The following FYB2 variants were observed in gnomAD, a reference collection of about 807,000 sequenced individuals.
FYB2 encodes the protein FYN binding protein 2.
In FYB2, 103 loss-of-function variants were observed where a neutral mutation model predicts 94.1. The observed-to-expected ratio is 1.09, with a 90% CI of 0.93 to 1.29. FYB2 has a LOEUF of 1.29. FYB2 is among the 50% of genes most tolerant of loss of function. FYB2 has a pLI of 0.00. For missense variants in FYB2, 896 were observed against 841.5 expected (o/e 1.06, Z -0.80); for synonymous variants, 293 against 287.9 (o/e 1.02, Z -0.18).
chr1:56,754,123 A>C (rs187984950), intron 7 of FYB2, among the ~76,000 whole-genome samples, 188 bp from the exon 8 acceptor site: 170 of 152,142 alleles, frequency 1.1e-3, no homozygotes, highest in African/African-American at 3.9e-3. Context: ...GCCTGTTCCA[A>C]TTAATGCCAC....
chr1:56,826,698 G>C, the FYB2 span: 1 of 152,156 alleles, frequency 6.6e-6, no homozygotes, highest in South Asian at 2.1e-4. Flanking sequence ...CCCATAATTG[G>C]TCTTGCAACA....
At chr1:56,818,427 C>T (rs1000743933) in intron 1 of FYB2, among the ~76,000 whole-genome samples, 1 of 149,136 alleles carries the variant, frequency 6.7e-6, no homozygotes, top group Non-Finnish European at 1.5e-5. Context: ...TGACTTGACT[C>T]CAAATATATA....
At chr1:56,746,599 T>C (rs1645072953) in intron 9 of FYB2, among the ~76,000 whole-genome samples, 1 of 152,056 alleles carries the variant, frequency 6.6e-6, no homozygotes, top group African/African-American at 2.4e-5. Flanking sequence ...ATTATGTTTG[T>C]GAGATTCATC....
intron 1 of FYB2, among the ~76,000 whole-genome samples, chr1:56,814,568 G>C (rs766145251): frequency 1.3e-5 from 2 of 152,210 alleles, no homozygotes; most frequent in Non-Finnish European, 2.9e-5. Context: ...CTGAGGTGCA[G>C]CATCTCAGCA....
intron 2 of FYB2, 86 bp downstream of exon 2, chr1:56,791,970 T>C (rs1646276622): frequency 6.7e-7 from 1 of 1,500,744 alleles, no homozygotes. Flanking sequence ...GTCATATACA[T>C]AACCACTCTG....
chr1:56,822,905 C>G (rs184255523), upstream of FYB2, among the ~76,000 whole-genome samples: 7 of 151,960 alleles, frequency 4.6e-5, no homozygotes, highest in Non-Finnish European at 8.8e-5. Flanking sequence ...GCTAGAGTAA[C>G]CTATTATTAA....
In FYB2 at chr1:56,819,271, G is replaced by A; in HGVS notation, c.9+11C>T. 1 of 1,614,222 alleles carries A rather than the reference G, an allele frequency of 6.2e-7. No homozygotes were observed. The highest frequency in any genetic ancestry group is 8.5e-7 in the Non-Finnish European group (1 of 1,180,042). On this transcript the variant is annotated intron_variant, in intron 1 of 19. Transcript: ENST00000343433. ...CACAGAAAGCCAGCAACAAAACTGAGACAGCCTTACCCCTTCCATTGCTTT... is the reference window on the plus strand; with the variant it reads ...CACAGAAAGCCAGCAACAAAACTGAAACAGCCTTACCCCTTCCATTGCTTT...
chr1:56,809,928 G>A (rs1646728803), intron 1 of FYB2, among the ~76,000 whole-genome samples: 1 of 152,120 alleles, frequency 6.6e-6, no homozygotes, highest in African/African-American at 2.4e-5. Flanking sequence ...GAATGCCATA[G>A]ACATTAACCT....
intron 2 of FYB2, among the ~76,000 whole-genome samples, chr1:56,791,109 C>A (rs886738700): frequency 1.3e-5 from 2 of 152,110 alleles, no homozygotes; most frequent in African/African-American, 4.8e-5. Flanking sequence ...CAAGTACAAA[C>A]AGAAACCATA....
In FYB2 at chr1:56,819,325, C is replaced by T. The variant is rs745718083; in HGVS notation, c.-35G>A. 6.8e-6 allele frequency: 11 copies of T among 1,614,070 alleles called. No individual in the cohort carries two copies. The South Asian group carries it at 9.9e-5, about 14-fold the overall frequency. ...CCAAGGCAGAGTCAGGGAAACAAGC[C>T]CAGCCTCTCAGAGCTGGGTCCTGGG... is the stretch of plus-strand genomic sequence containing the variant. On this transcript the variant is annotated 5_prime_UTR_variant, in exon 1 of 20. Coordinates refer to ENST00000343433, the MANE Select transcript of FYB2 (RefSeq NM_001004303.5).
At chr1:56,727,865 T>C (rs960071694) in intron 15 of FYB2, among the ~76,000 whole-genome samples, 2 of 152,106 alleles carry the variant, frequency 1.3e-5, no homozygotes, top group African/African-American at 4.8e-5. Flanking sequence ...AAAAAGAATT[T>C]ATCCAGATTC....
chr1:56,815,152 T>G (rs1458957185), intron 1 of FYB2, among the ~76,000 whole-genome samples: 1 of 152,178 alleles, frequency 6.6e-6, no homozygotes, highest in African/African-American at 2.4e-5. Flanking sequence ...AGCACCTTGC[T>G]GCCAACTATC....
At chr1:56,757,783 T>G (rs1645391316) in intron 6 of FYB2, among the ~76,000 whole-genome samples, 1 of 147,794 alleles carries the variant, frequency 6.8e-6, no homozygotes, top group Non-Finnish European at 1.5e-5. Context: ...CTTTTTTTTT[T>G]GATACAGGGT....
intron 1 of FYB2, among the ~76,000 whole-genome samples, chr1:56,802,095 G>T (rs1410345873): frequency 1.3e-5 from 2 of 152,098 alleles, no homozygotes; most frequent in African/African-American, 4.8e-5. Flanking sequence ...AACACAGTGG[G>T]CAACTCCTAC....
chr1:56,743,497 A>G (rs1174747785), intron 11 of FYB2, among the ~76,000 whole-genome samples: 1 of 152,058 alleles, frequency 6.6e-6, no homozygotes, highest in African/African-American at 2.4e-5. Flanking sequence ...AAAGGTACCC[A>G]GGGGAGGAAA....
chr1:56,771,606 C>A (rs1645756469), intron 4 of FYB2, among the ~76,000 whole-genome samples: 1 of 152,032 alleles, frequency 6.6e-6, no homozygotes. Flanking sequence ...TTGAAGGGGA[C>A]TAGAGTTAGG....
chr1:56,809,853 A>G (rs553826365), intron 1 of FYB2, among the ~76,000 whole-genome samples: 2 of 152,270 alleles, frequency 1.3e-5, no homozygotes, highest in Admixed American at 1.3e-4. Context: ...TTACAAAGCT[A>G]TTTCACTTCT....
chr1:56,753,117 A>G (rs546486392), intron 8 of FYB2, among the ~76,000 whole-genome samples: 1 of 152,104 alleles, frequency 6.6e-6, no homozygotes, highest in East Asian at 1.9e-4. Context: ...GACTTACCCT[A>G]CTTCTGCAGA....
At chr1:56,744,983 G>A (rs780537077) in intron 9 of FYB2, among the ~76,000 whole-genome samples, 1 of 151,922 alleles carries the variant, frequency 6.6e-6, no homozygotes, top group African/African-American at 2.4e-5. Flanking sequence ...CACATTAACT[G>A]GTATCTATTA....
Sources: gnomAD v4.1 joint callset for allele counts (sites outside exome capture counted in the v4.1 genomes callset) on GRCh38, gnomAD v4.1.1 for gene constraint, MANE v1.5 for transcripts, NCBI Gene and HGNC (gene_info 2026-07-23, HGNC 2026-07-21) for gene names.